KYNU: variants seen among roughly 807,000 people sequenced by gnomAD.
KYNU encodes the protein L-kynurenine hydrolase.
KYNU carries 54 observed loss-of-function variants against 59.2 expected under a neutral mutation model. That is an observed-to-expected ratio of 0.91 (90% CI 0.73 to 1.14). KYNU has a LOEUF of 1.14. Among genes scored for constraint, KYNU ranks in the 50% most tolerant of loss-of-function variants. The probability of loss-of-function intolerance (pLI) is 0.00; values close to 1 mark genes in which losing one functional copy is unlikely to be tolerated. For missense variants in KYNU, 567 were observed against 554.4 expected, an observed-to-expected ratio of 1.02 and a Z score of -0.23; for synonymous variants, 177 against 192.0, an observed-to-expected ratio of 0.92 and a Z score of 0.65.
At chr2:142,926,432 A>T (rs2105011027) in intron 3 of KYNU, among the ~76,000 whole-genome samples, 1 of 152,340 alleles carries the variant, frequency 6.6e-6, no homozygotes, top group Non-Finnish European at 1.5e-5. Flanking sequence ...TAGTAAAAAA[A>T]AATAGAGCAG....
intron 4 of KYNU, among the ~76,000 whole-genome samples, chr2:142,950,925 C>T (rs1053082555): frequency 1.3e-5 from 2 of 152,016 alleles, no homozygotes; most frequent in Non-Finnish European, 2.9e-5. Context: ...TATTGATTGG[C>T]TTATTTTCAA....
At chr2:143,029,817 A>C (rs577913141) in intron 11 of KYNU, 138 bp downstream of exon 11, 6 of 655,318 alleles carry the variant, frequency 9.2e-6, no homozygotes, top group Non-Finnish European at 1.7e-5. Context: ...TCAAATAAGA[A>C]ATGACATTTC....
chr2:142,958,792 A>C (rs544295236), intron 7 of KYNU, among the ~76,000 whole-genome samples: 1 of 152,192 alleles, frequency 6.6e-6, no homozygotes, highest in South Asian at 2.1e-4. Flanking sequence ...TCGTTGAAAA[A>C]TGTATTTCTT....
At chr2:142,954,982 T>C (rs1321815828) in intron 5 of KYNU, 111 bp downstream of exon 5, 6 of 723,948 alleles carry the variant, frequency 8.3e-6, no homozygotes, top group Non-Finnish European at 1.5e-5. Context: ...AAATAAATTG[T>C]GAGGTTATTT....
chr2:143,020,699 A>AT (rs1686380023), intron 10 of KYNU, among the ~76,000 whole-genome samples: 1 of 152,166 alleles, frequency 6.6e-6, no homozygotes, highest in South Asian at 2.1e-4. Flanking sequence ...TGTGTAGACA[A>AT]TTTATAGGTT....
At chr2:142,930,470 C>G (rs148940163) in intron 4 of KYNU, among the ~76,000 whole-genome samples, 1 of 152,054 alleles carries the variant, frequency 6.6e-6, no homozygotes, top group African/African-American at 2.4e-5. Context: ...GTGGCTTAAA[C>G]AATATAAGTT....
At chr2:143,013,946 A>T (rs541295399) in intron 10 of KYNU, among the ~76,000 whole-genome samples, 1 of 152,306 alleles carries the variant, frequency 6.6e-6, no homozygotes, top group Admixed American at 6.5e-5. Context: ...CTTTTATCCC[A>T]ACCATCCCAA....
intron 8 of KYNU, 120 bp downstream of exon 8, chr2:142,960,890 T>TAAA (rs5834931): frequency 0.1 from 91,563 of 912,564 alleles, 1,503 homozygotes; most frequent in African/African-American, 0.24. Flanking sequence ...TTTCAAAAGT[T>TAAA]AAAAAAAAAA....
At chr2:142,958,726 G>A (rs953181215) in intron 7 of KYNU, among the ~76,000 whole-genome samples, 3 of 152,082 alleles carry the variant, frequency 2.0e-5, no homozygotes, top group African/African-American at 7.2e-5. Flanking sequence ...CATAATCTTG[G>A]GACCACTGTT....
chr2:142,980,350 C>T (rs1336131400), intron 8 of KYNU, among the ~76,000 whole-genome samples: 1 of 151,246 alleles, frequency 6.6e-6, no homozygotes, highest in Non-Finnish European at 1.5e-5. Context: ...CCAGTTTTAT[C>T]AGCAAGGTCT....
intron 4 of KYNU, among the ~76,000 whole-genome samples, chr2:142,932,085 G>T (rs10179354): frequency 1.3e-5 from 2 of 151,946 alleles, no homozygotes; most frequent in East Asian, 3.9e-4. Flanking sequence ...AAAAGGTAGC[G>T]GCCAGAGGGA....
At chr2:142,958,303 T>C (rs138553629) in intron 7 of KYNU, among the ~76,000 whole-genome samples, 1 of 152,262 alleles carries the variant, frequency 6.6e-6, no homozygotes, top group East Asian at 1.9e-4. Flanking sequence ...TCCTTTATAT[T>C]TAAACAGATA....
rs1309288265 is a variant in KYNU, at chr2:142,920,241, T to C, written c.290+1512T>C. Among the ~76,000 whole-genome samples the C allele has an allele frequency of 2.6e-5, 4 of 152,252 alleles. 1 individual carries two copies. Among genetic ancestry groups the C allele is most frequent in the Admixed American group, 1.3e-4 (2 of 15,282 alleles). On this transcript the variant is annotated intron_variant, in intron 3 of 13. Transcript: ENST00000264170. ...GTTATAACTTTATCTGCATAACTTTTATGCATAATTTGCAAAATACATACC... is the reference window on the plus strand; with the variant it reads ...GTTATAACTTTATCTGCATAACTTTCATGCATAATTTGCAAAATACATACC...
At chr2:142,944,705 A>G (rs558777642) in intron 4 of KYNU, among the ~76,000 whole-genome samples, 112 of 152,344 alleles carry the variant, frequency 7.4e-4, no homozygotes, top group African/African-American at 2.6e-3. Flanking sequence ...AAATGATGAT[A>G]TTGAAACATC....
intron 10 of KYNU, among the ~76,000 whole-genome samples, chr2:143,025,097 C>T (rs1424842607): frequency 1.3e-5 from 2 of 151,836 alleles, no homozygotes; most frequent in African/African-American, 4.8e-5. Context: ...CATTTTCATC[C>T]CTCCTATTGT....
intron 4 of KYNU, among the ~76,000 whole-genome samples, chr2:142,935,951 G>A (rs754348531): frequency 1.3e-5 from 2 of 152,150 alleles, no homozygotes; most frequent in Non-Finnish European, 2.9e-5. Context: ...GACGGTGTAG[G>A]AAAAGAAGTG....
intron 10 of KYNU, among the ~76,000 whole-genome samples, chr2:143,000,109 A>G (rs78557079): frequency 6.6e-6 from 1 of 152,192 alleles, no homozygotes; most frequent in Admixed American, 6.5e-5. Context: ...TTAGCTACCA[A>G]TGGCCCCAGG....
rs142416239 is a variant in KYNU at position 143,055,632 on chromosome 2, CAGGAAGGAAGGAAGGAAGGAAGGAAGGA to C, written c.*13486_*13513del. ...TTGAGGGTCATTAGTCATCTTACCA[CAGGAAGGAAGGAAGGAAGGAAGGAAGGA>C]AGGAAGGAAGGAAGGAAGGAAGGAA... On this transcript the variant is annotated 3_prime_UTR_variant, in exon 14 of 14. Coordinates refer to ENST00000264170, the MANE Select transcript of KYNU (RefSeq NM_003937.3). 7.5e-6 allele frequency: 1 copy of C among 133,206 alleles called. No individual in the cohort carries two copies. Among genetic ancestry groups the C allele is most frequent in the Non-Finnish European group, 1.6e-5 (1 of 62,852 alleles). 8.3% of individuals were successfully genotyped at this position (133,206 alleles called of 1,614,324 possible).
chr2:142,908,620 A>T (rs1333708669), intron 2 of KYNU, among the ~76,000 whole-genome samples: 1 of 148,320 alleles, frequency 6.7e-6, no homozygotes, highest in Non-Finnish European at 1.5e-5. Flanking sequence ...TCTAAGTCCT[A>T]ATAAAATATG....
Sources: allele counts gnomAD v4.1 joint callset (sites outside exome capture counted in the v4.1 genomes callset), GRCh38; gene constraint gnomAD v4.1.1; transcripts MANE v1.5; gene names NCBI Gene and HGNC (gene_info 2026-07-23, HGNC 2026-07-21).